SPAG16: variants seen among roughly 807,000 people sequenced by gnomAD.
The protein encoded by SPAG16 is sperm associated antigen 16.
SPAG16 carries 86 observed loss-of-function variants against 80.4 expected under a neutral mutation model. The observed-to-expected ratio is 1.07, with a 90% CI of 0.90 to 1.28. The LOEUF (loss-of-function observed/expected upper bound fraction) is 1.28, where lower values mean the gene tolerates loss of function less well. Among genes scored for constraint, SPAG16 ranks in the 50% most tolerant of loss-of-function variants. SPAG16 has a pLI of 0.00. For synonymous variants in SPAG16, 294 were observed against 265.9 expected (o/e 1.11, Z -1.03); for missense variants, 870 against 765.3 (o/e 1.14, Z -1.61).
chr2:213,374,978 A>C, intron 8 of SPAG16, 32 bp from the exon 9 acceptor site: 2 of 1,483,548 alleles, frequency 1.3e-6, no homozygotes, highest in East Asian at 4.8e-5. Context: ...TAAACAGTGC[A>C]AATATTAAGA....
chr2:213,938,418 G>A (rs2079073596), intron 12 of SPAG16, among the ~76,000 whole-genome samples: 1 of 151,816 alleles, frequency 6.6e-6, no homozygotes, highest in Admixed American at 6.6e-5. Flanking sequence ...ACACATTTAT[G>A]TATATATACT....
At chr2:214,152,002 T>C (rs980527905) in intron 15 of SPAG16, among the ~76,000 whole-genome samples, 3 of 152,176 alleles carry the variant, frequency 2.0e-5, no homozygotes, top group Admixed American at 6.5e-5. Flanking sequence ...GGTTGTGAGG[T>C]GTACTGTTTA....
chr2:214,028,852 A>C (rs1412149558), intron 13 of SPAG16, among the ~76,000 whole-genome samples: 2 of 152,056 alleles, frequency 1.3e-5, no homozygotes, highest in Non-Finnish European at 2.9e-5. Context: ...TTTGGCCCAA[A>C]TCTTTACTAT....
intron 12 of SPAG16, among the ~76,000 whole-genome samples, chr2:213,986,163 G>A (rs1042690716): frequency 3.9e-5 from 6 of 152,072 alleles, no homozygotes; most frequent in African/African-American, 1.4e-4. Context: ...AGATTTCAAA[G>A]AGAAAGTGAG....
chr2:213,940,141 C>T (rs1178257613), intron 12 of SPAG16, among the ~76,000 whole-genome samples: 1 of 151,950 alleles, frequency 6.6e-6, no homozygotes, highest in Admixed American at 6.6e-5. Context: ...TATATAACAG[C>T]CATAACTACC....
At chr2:214,270,999 A>G (rs1024831505) in intron 15 of SPAG16, among the ~76,000 whole-genome samples, 1 of 152,196 alleles carries the variant, frequency 6.6e-6, no homozygotes, top group Non-Finnish European at 1.5e-5. Context: ...AATAGAAAGT[A>G]AAAGTCTAGG....
chr2:213,584,509 G>T (rs780520876), intron 10 of SPAG16, among the ~76,000 whole-genome samples: 1 of 151,920 alleles, frequency 6.6e-6, no homozygotes, highest in Admixed American at 6.6e-5. Flanking sequence ...ATAGAATTTT[G>T]TGCTCACTAT....
intron 10 of SPAG16, among the ~76,000 whole-genome samples, chr2:213,705,674 A>G (rs983096664): frequency 2.6e-4 from 40 of 152,162 alleles, no homozygotes; most frequent in African/African-American, 9.4e-4. Flanking sequence ...CTAATTTTCC[A>G]ATTTACTTCT....
At chr2:213,548,858 C>A (rs1346941799) in intron 10 of SPAG16, among the ~76,000 whole-genome samples, 1 of 151,976 alleles carries the variant, frequency 6.6e-6, no homozygotes, top group South Asian at 2.1e-4. Context: ...TGTTTTCATG[C>A]AAACTTTTGA....
At chr2:214,138,155 C>G (rs1315478406) in intron 14 of SPAG16, among the ~76,000 whole-genome samples, 1 of 151,838 alleles carries the variant, frequency 6.6e-6, no homozygotes, top group African/African-American at 2.4e-5. Context: ...AGAGCAAAGT[C>G]CAAAGGAATG....
chr2:213,591,665 C>T (rs2060696242), intron 10 of SPAG16, among the ~76,000 whole-genome samples: 1 of 152,052 alleles, frequency 6.6e-6, no homozygotes, highest in Admixed American at 6.6e-5. Flanking sequence ...TTGGGCTCGA[C>T]TCCAAATATA....
intron 13 of SPAG16, among the ~76,000 whole-genome samples, chr2:214,024,604 GTTTA>G (rs1172070617): frequency 1.3e-5 from 2 of 151,278 alleles, no homozygotes; most frequent in African/African-American, 4.8e-5. Context: ...AAAGATATTT[GTTTA>G]TTCCTTCTTT....
intron 10 of SPAG16, among the ~76,000 whole-genome samples, chr2:213,505,487 G>C (rs577656661): frequency 1.3e-5 from 2 of 152,168 alleles, no homozygotes; most frequent in African/African-American, 4.8e-5. Context: ...ATATTGATGA[G>C]TTAATATTTT....
At chr2:214,146,668 C>A (rs893868528) in intron 14 of SPAG16, among the ~76,000 whole-genome samples, 1 of 152,110 alleles carries the variant, frequency 6.6e-6, no homozygotes, top group Admixed American at 6.6e-5. Flanking sequence ...TCTTTCAGTT[C>A]TCAAATCTAA....
intron 10 of SPAG16, among the ~76,000 whole-genome samples, chr2:213,767,077 A>G (rs2068975380): frequency 6.6e-6 from 1 of 152,170 alleles, no homozygotes; most frequent in South Asian, 2.1e-4. Context: ...CATCCCTTAC[A>G]TTCACTGATT....
chr2:213,386,392 C>T (rs2067431461), intron 9 of SPAG16, among the ~76,000 whole-genome samples: 1 of 152,132 alleles, frequency 6.6e-6, no homozygotes, highest in Non-Finnish European at 1.5e-5. Context: ...TCCCTAACCT[C>T]CTATTGCAGT....
chr2:213,928,056 T>A (rs2078568822), intron 11 of SPAG16, among the ~76,000 whole-genome samples: 2 of 152,150 alleles, frequency 1.3e-5, no homozygotes, highest in African/African-American at 4.8e-5. Flanking sequence ...TTTCAGATAG[T>A]CAAATTTGAA....
rs1393372062 is a variant in SPAG16 at position 214,010,495 on chromosome 2, T to A, written c.1401-3456T>A. On this transcript the variant is annotated intron_variant, in intron 12 of 15. Coordinates refer to ENST00000331683, the MANE Select transcript of SPAG16 (RefSeq NM_024532.5). Reference sequence around the variant, plus strand: ...CTGTGCTAAAATTTCTGAACTTCAGTATTTGGGAAAGAAACTGTAAGGGCT... The same window carrying A: ...CTGTGCTAAAATTTCTGAACTTCAGAATTTGGGAAAGAAACTGTAAGGGCT... Among the ~76,000 whole-genome samples the A allele has an allele frequency of 3.4e-5, 5 of 146,494 alleles. No homozygotes were observed. The East Asian group carries it at 9.8e-4, about 29-fold the overall frequency.
At chr2:214,296,865 G>A (rs1372868545) in intron 15 of SPAG16, among the ~76,000 whole-genome samples, 2 of 152,158 alleles carry the variant, frequency 1.3e-5, no homozygotes, top group South Asian at 2.1e-4. Flanking sequence ...ACAGTAATGA[G>A]TGAGTTCTGT....
Sources: gnomAD v4.1 joint callset for allele counts (sites outside exome capture counted in the v4.1 genomes callset) on GRCh38, gnomAD v4.1.1 for gene constraint, MANE v1.5 for transcripts, NCBI Gene and HGNC (gene_info 2026-07-23, HGNC 2026-07-21) for gene names.